The following NXPH1 variants were observed in gnomAD, a reference collection of about 807,000 sequenced individuals.
NXPH1 encodes neurexophilin-1.
In NXPH1, 5 loss-of-function variants were observed where a neutral mutation model predicts 23.7. The ratio of observed to expected loss-of-function variants is 0.21; its 90% CI spans 0.11 to 0.44. NXPH1 has a LOEUF of 0.44. Ranked by LOEUF, NXPH1 falls within the 20% of genes least tolerant of loss-of-function variation. The pLI, the probability that NXPH1 is intolerant of heterozygous loss-of-function variation, is 0.99. For synonymous variants in NXPH1, 144 were observed against 122.2 expected, an observed-to-expected ratio of 1.18 and a Z score of -1.18; for missense variants, 324 against 321.6, an observed-to-expected ratio of 1.01 and a Z score of -0.06.
At chr7:8,712,462 A>G (rs1583242111) in intron 2 of NXPH1, among the ~76,000 whole-genome samples, 1 of 152,320 alleles carries the variant, frequency 6.6e-6, no homozygotes, top group South Asian at 2.1e-4. Context: ...GTCAGTCAAT[A>G]GTGCCCACCG....
rs1193409656 is a variant in NXPH1, at chr7:8,471,019, G to A, written c.54+35252G>A. Among the ~76,000 whole-genome samples the A allele has an allele frequency of 2.6e-5, 4 of 151,966 alleles. No homozygotes were observed. In the East Asian group the frequency reaches 7.7e-4, roughly 29 times the overall value. ...AGTGAACAGCTAATTGGAACTTCTTGGGTTTCATTTTTTTGGGTGATTGGG... is the reference window on the plus strand; with the variant it reads ...AGTGAACAGCTAATTGGAACTTCTTAGGTTTCATTTTTTTGGGTGATTGGG... On this transcript the variant is annotated intron_variant, in intron 2 of 2. Coordinates refer to ENST00000405863, the MANE Select transcript of NXPH1 (RefSeq NM_152745.3).
intron 2 of NXPH1, among the ~76,000 whole-genome samples, chr7:8,476,857 A>G (rs1171831486): frequency 2.0e-5 from 3 of 152,164 alleles, no homozygotes; most frequent in African/African-American, 7.2e-5. Context: ...ACAACCAGGT[A>G]TTGTTGTACT....
intron 2 of NXPH1, among the ~76,000 whole-genome samples, chr7:8,623,641 G>A (rs1373764379): frequency 3.7e-5 from 3 of 81,132 alleles, no homozygotes; most frequent in Non-Finnish European, 7.6e-5. Context: ...TCAATTTTTA[G>A]TTTTGATAAT....
chr7:8,651,641 C>A (rs1054531239), intron 2 of NXPH1, among the ~76,000 whole-genome samples: 1 of 152,094 alleles, frequency 6.6e-6, no homozygotes, highest in Non-Finnish European at 1.5e-5. Flanking sequence ...TTCTCTGTAC[C>A]TTTCGGATTT....
intron 2 of NXPH1, among the ~76,000 whole-genome samples, chr7:8,448,073 T>A (rs777578079): frequency 3.9e-5 from 6 of 152,210 alleles, no homozygotes; most frequent in Non-Finnish European, 7.3e-5. Context: ...GAAGCAGCAT[T>A]GTGAAAGACT....
In NXPH1 at chr7:8,512,446, C is replaced by G. The variant is rs1817627080; in HGVS notation, c.54+76679C>G. Among the ~76,000 whole-genome samples, 2 of 152,072 alleles carry G rather than the reference C, an allele frequency of 1.3e-5. 1 individual carries two copies. The highest frequency in any genetic ancestry group is 1.3e-4 in the Admixed American group (2 of 15,264). ...GACTCTTAATCTTTTTGAACACAGT[C>G]TAATTAGAAGGGGACAATACTGTGG... On this transcript the variant is annotated intron_variant, in intron 2 of 2. Coordinates refer to ENST00000405863, the MANE Select transcript of NXPH1 (RefSeq NM_152745.3).
chr7:8,550,078 C>A (rs534570942), intron 2 of NXPH1, among the ~76,000 whole-genome samples: 2 of 151,508 alleles, frequency 1.3e-5, no homozygotes, highest in Non-Finnish European at 3.0e-5. Context: ...ATAGGAGAAA[C>A]CACCAATAGG....
chr7:8,447,094 T>C (rs186700389), intron 2 of NXPH1, among the ~76,000 whole-genome samples: 2 of 152,298 alleles, frequency 1.3e-5, no homozygotes, highest in Non-Finnish European at 2.9e-5. Flanking sequence ...GTTTGAGAAA[T>C]TTTAAGTGAA....
chr7:8,487,399 G>A (rs1054220373), intron 2 of NXPH1, among the ~76,000 whole-genome samples: 2 of 152,184 alleles, frequency 1.3e-5, no homozygotes, highest in African/African-American at 4.8e-5. Flanking sequence ...TGCCATGTAA[G>A]ATGTGACTTT....
chr7:8,442,613 T>G lies in NXPH1; in HGVS notation c.54+6846T>G, dbSNP rs1323373418. 1.3e-5 allele frequency among the ~76,000 whole-genome samples: 2 copies of G among 152,232 alleles called. No individual in the cohort carries two copies. The highest frequency in any genetic ancestry group is 2.9e-5 in the Non-Finnish European group (2 of 68,040). On this transcript the variant is annotated intron_variant, in intron 2 of 2. Coordinates refer to ENST00000405863, the MANE Select transcript of NXPH1 (RefSeq NM_152745.3). This position sits in a 1 kb window ranked among gnomAD's most constrained non-coding sequence, Gnocchi z 4.6. ...CAAGAAACTTTTTTCGACGTAGGCT[T>G]CATACCCTCCCTTCGGAAACTCAGT... is the stretch of plus-strand genomic sequence containing the variant.
chr7:8,710,819 C>T lies in NXPH1; in HGVS notation c.55-40189C>T, dbSNP rs561335134. On this transcript the variant is annotated intron_variant, in intron 2 of 2. Transcript: ENST00000405863. ...CTGGGACTACAGGCGCCCGCCACCG[C>T]GCCCGGCTAATTTTTTGTATTTTTA... Among the ~76,000 whole-genome samples, 10 of 137,242 alleles carry T rather than the reference C, an allele frequency of 7.3e-5. 1 individual carries two copies. Among genetic ancestry groups the T allele is most frequent in the South Asian group, 2.4e-4 (1 of 4,220 alleles). The allele number at this position is 137,242 out of a possible 152,430, so 90.0% of individuals were successfully genotyped here.
intron 2 of NXPH1, among the ~76,000 whole-genome samples, chr7:8,465,461 G>A (rs1816772012): frequency 6.8e-6 from 1 of 146,444 alleles, no homozygotes; most frequent in Non-Finnish European, 1.5e-5. Context: ...AGCCTGGGTT[G>A]AGTTGGGAAG....
intron 2 of NXPH1, among the ~76,000 whole-genome samples, chr7:8,624,534 A>G (rs1819946948): frequency 1.3e-5 from 2 of 152,154 alleles, no homozygotes; most frequent in African/African-American, 4.8e-5. Context: ...TGAGGAGAGC[A>G]AAGCAGACAA....
At chr7:8,659,585 G>T (rs1820637862) in intron 2 of NXPH1, among the ~76,000 whole-genome samples, 1 of 152,118 alleles carries the variant, frequency 6.6e-6, no homozygotes, top group South Asian at 2.1e-4. Flanking sequence ...CCTGTCGTGG[G>T]GTGGGGGCAG....
At chr7:8,513,994 C>T (rs910529564) in intron 2 of NXPH1, among the ~76,000 whole-genome samples, 4 of 152,060 alleles carry the variant, frequency 2.6e-5, no homozygotes, top group Admixed American at 6.6e-5. Flanking sequence ...ACCATCTTCT[C>T]CCTGTTTCTC....
intron 2 of NXPH1, among the ~76,000 whole-genome samples, chr7:8,626,906 C>T (rs548076437): frequency 2.6e-5 from 4 of 152,070 alleles, no homozygotes; most frequent in Admixed American, 6.6e-5. Context: ...GCTCAGACTC[C>T]CTCTTTACCA....
At chr7:8,499,570 GGTACAA>G (rs1817397015) in intron 2 of NXPH1, among the ~76,000 whole-genome samples, 1 of 152,014 alleles carries the variant, frequency 6.6e-6, no homozygotes, top group Non-Finnish European at 1.5e-5. Flanking sequence ...CAAAAATAAG[GGTACAA>G]GTAAGTGAGT....
At chr7:8,683,730 AT>A (rs933059721) in intron 2 of NXPH1, among the ~76,000 whole-genome samples, 18 of 152,126 alleles carry the variant, frequency 1.2e-4, no homozygotes, top group East Asian at 3.9e-4. Flanking sequence ...CACCAACATA[AT>A]TTTTTTTGTT....
At chr7:8,479,198 A>C (rs1222742657) in intron 2 of NXPH1, among the ~76,000 whole-genome samples, 1 of 152,118 alleles carries the variant, frequency 6.6e-6, no homozygotes, top group Non-Finnish European at 1.5e-5. Flanking sequence ...AAATGAATAT[A>C]AGGAATAATT....
Sources: gnomAD v4.1 joint callset for allele counts (sites outside exome capture counted in the v4.1 genomes callset) on GRCh38, gnomAD v4.1.1 for gene constraint, Gnocchi (gnomAD v3.1) non-coding constraint, MANE v1.5 for transcripts, NCBI Gene and HGNC (gene_info 2026-07-23, HGNC 2026-07-21) for gene names.